NRG1: variants seen among roughly 807,000 people sequenced by gnomAD.
NRG1 encodes pro-neuregulin-1, membrane-bound isoform.
NRG1 carries 18 observed loss-of-function variants against 63.8 expected under a neutral mutation model. The observed-to-expected ratio is 0.28, with a 90% CI of 0.19 to 0.42. The LOEUF (loss-of-function observed/expected upper bound fraction) is 0.42, where lower values mean the gene tolerates loss of function less well. NRG1 is among the 10% of genes least tolerant of loss of function. The pLI is 1.00. For missense variants in NRG1, 762 were observed against 814.7 expected (o/e 0.94, Z 0.79); for synonymous variants, 302 against 301.3 (o/e 1.00, Z -0.02).
chr8:31,955,510 A>G (rs1237847448), intron 1 of NRG1, among the ~76,000 whole-genome samples: 1 of 152,222 alleles, frequency 6.6e-6, no homozygotes, highest in Non-Finnish European at 1.5e-5. Flanking sequence ...TTTTTGCTCC[A>G]TTGAGCAGAT....
At chr8:31,999,176 G>T (rs941840562) in intron 1 of NRG1, among the ~76,000 whole-genome samples, 3 of 151,776 alleles carry the variant, frequency 2.0e-5, no homozygotes, top group Admixed American at 6.6e-5. Flanking sequence ...AATCAATAAT[G>T]AAGGAATATT....
rs553160105 is a variant in NRG1 at position 32,449,391 on chromosome 8, G to A, written c.38-146437G>A. 1.1e-3 allele frequency among the ~76,000 whole-genome samples: 172 copies of A among 151,262 alleles called. 2 individuals carry two copies. The South Asian group carries it at 0.034, about 30-fold the overall frequency. On this transcript the variant is annotated intron_variant, in intron 1 of 10. Transcript: ENST00000519301. ...AACTGAAGTACATCAAGCCTAGTGG[G>A]ACTGTGGTTGTCTCTCCAGCCTAAA... is the stretch of plus-strand genomic sequence containing the variant.
At chr8:32,109,408 C>G (rs1281098065) in intron 1 of NRG1, among the ~76,000 whole-genome samples, 3 of 152,180 alleles carry the variant, frequency 2.0e-5, no homozygotes, top group Non-Finnish European at 2.9e-5. Flanking sequence ...CTTTTGAGAC[C>G]ATCTGTCCAA....
intron 1 of NRG1, among the ~76,000 whole-genome samples, chr8:32,298,799 C>T (rs1045849723): frequency 7.3e-5 from 11 of 150,828 alleles, no homozygotes; most frequent in Non-Finnish European, 1.3e-4. Flanking sequence ...GAGGCCAAGG[C>T]GGGCGGATCA....
rs111605550 is a variant in NRG1 at position 31,639,289 on chromosome 8, C to T, written c.-106C>T. 1.4e-4 allele frequency: 189 copies of T among 1,389,822 alleles called. No homozygotes were observed. The East Asian group carries it at 4.3e-3, about 32-fold the overall frequency. The allele number at this position is 1,389,822 out of a possible 1,614,324, so 86.1% of individuals were successfully genotyped here. On this transcript the variant is annotated 5_prime_UTR_variant, in exon 1 of 11. Transcript: ENST00000519301. Reference sequence around the variant, plus strand: ...CTCGGACTGCAGCCTGTTTGCCGCCCGTCCTCCCATTGCAGCACTCGGGGC... The same window carrying T: ...CTCGGACTGCAGCCTGTTTGCCGCCTGTCCTCCCATTGCAGCACTCGGGGC...
intron 1 of NRG1, among the ~76,000 whole-genome samples, chr8:32,034,370 T>G (rs1425571203): frequency 6.6e-6 from 1 of 152,170 alleles, no homozygotes; most frequent in African/African-American, 2.4e-5. Flanking sequence ...TATTGAAAAT[T>G]TTTGCATCAA....
chr8:31,691,594 CAAAAA>C (rs71208138), intron 1 of NRG1, among the ~76,000 whole-genome samples: 65 of 34,982 alleles, frequency 1.9e-3, no homozygotes, highest in African/African-American at 9.3e-3. Flanking sequence ...GACTCTGTCT[CAAAAA>C]AAAAAAAAAA....
At chr8:32,424,191 C>T (rs1817053208) in intron 1 of NRG1, among the ~76,000 whole-genome samples, 1 of 152,170 alleles carries the variant, frequency 6.6e-6, no homozygotes, top group African/African-American at 2.4e-5. Flanking sequence ...AAACTGCCTT[C>T]TCCAGTCCAT....
chr8:32,339,277 T>C (rs757528589), intron 1 of NRG1, among the ~76,000 whole-genome samples: 62 of 152,188 alleles, frequency 4.1e-4, no homozygotes, highest in Non-Finnish European at 7.6e-4. Flanking sequence ...GGTATTCTAA[T>C]TGTAATGATA....
At chr8:32,398,410 AT>A (rs59321367) in intron 1 of NRG1, among the ~76,000 whole-genome samples, 96,893 of 142,260 alleles carry the variant, frequency 0.68, 33,200 homozygotes, top group East Asian at 0.99. Context: ...TTCCACCCAA[AT>A]TTTTTTTTTT....
chr8:31,951,493 C>T (rs2129623276), intron 1 of NRG1, among the ~76,000 whole-genome samples: 1 of 152,322 alleles, frequency 6.6e-6, no homozygotes, highest in East Asian at 1.9e-4. Flanking sequence ...CATCCCCTTG[C>T]TGGGCTGATT....
At chr8:32,184,859 A>G (rs2132134652) in intron 1 of NRG1, among the ~76,000 whole-genome samples, 1 of 152,260 alleles carries the variant, frequency 6.6e-6, no homozygotes, top group Non-Finnish European at 1.5e-5. Context: ...TAAGATACCT[A>G]GGTTGTGGGC....
At chr8:32,647,646 C>G in intron 5 of NRG1, 2 of 1,495,638 alleles carry the variant, frequency 1.3e-6, no homozygotes, top group African/African-American at 1.4e-5. Flanking sequence ...GATGCTGTAT[C>G]ATTTGGTTGG....
At chr8:32,172,904 C>T (rs571350873) in intron 1 of NRG1, among the ~76,000 whole-genome samples, 4 of 152,070 alleles carry the variant, frequency 2.6e-5, no homozygotes, top group Admixed American at 6.6e-5. Flanking sequence ...GAACCAAGTT[C>T]GAAAACACTC....
At chr8:32,358,817 C>A (rs866885665) in intron 1 of NRG1, among the ~76,000 whole-genome samples, 6 of 152,046 alleles carry the variant, frequency 3.9e-5, no homozygotes, top group South Asian at 2.1e-4. Flanking sequence ...AAAGACAGAA[C>A]CTTGAGATCC....
At chr8:32,441,162 G>A (rs528936112) in intron 1 of NRG1, 4 of 152,134 alleles carry the variant, frequency 2.6e-5, no homozygotes, top group Non-Finnish European at 4.4e-5. Flanking sequence ...CAGAGATTAA[G>A]AGAATAGTTA....
chr8:31,711,075 T>G (rs1315683801), intron 1 of NRG1, among the ~76,000 whole-genome samples: 1 of 152,198 alleles, frequency 6.6e-6, no homozygotes, highest in African/African-American at 2.4e-5. Flanking sequence ...TTACTTGATT[T>G]CCAGGAATTT....
In NRG1 at chr8:31,640,712, T is replaced by G; in HGVS notation, c.37+1281T>G. 6.3e-7 allele frequency: 1 copy of G among 1,598,980 alleles called. No homozygotes were observed. The highest frequency in any genetic ancestry group is 8.5e-7 in the Non-Finnish European group (1 of 1,173,452). On this transcript the variant is annotated intron_variant, in intron 1 of 10. Coordinates refer to the NRG1 transcript ENST00000519301. This position sits in a 1 kb window ranked among gnomAD's most constrained non-coding sequence, Gnocchi z 6.3. The stretch of plus-strand genomic sequence containing the variant: ...AACCTCAAGAAGGAGGTCAGCCGGG[T>G]GCTGTGCAAGCGGTGCGGTAAGTTC...
At chr8:32,330,128 G>C (rs867097249) in intron 1 of NRG1, among the ~76,000 whole-genome samples, 21 of 145,426 alleles carry the variant, frequency 1.4e-4, no homozygotes, top group Middle Eastern at 4.2e-3. Context: ...TGAACTCCTG[G>C]CCCTAAGTGA....
Sources: gnomAD v4.1 joint callset for allele counts (sites outside exome capture counted in the v4.1 genomes callset) on GRCh38, gnomAD v4.1.1 for gene constraint, Gnocchi (gnomAD v3.1) non-coding constraint, MANE v1.5 for transcripts, NCBI Gene and HGNC (gene_info 2026-07-23, HGNC 2026-07-21) for gene names.